Variants in CNTN5 observed in about 807,000 individuals in gnomAD.
CNTN5 encodes the protein contactin 5, also known as contactin-5.
A neutral mutation model predicts 129.1 loss-of-function variants in CNTN5; 77 were observed. That is an observed-to-expected ratio of 0.60 (90% CI 0.50 to 0.72). The LOEUF (loss-of-function observed/expected upper bound fraction) is 0.72. Among genes scored for constraint, CNTN5 ranks in the 30% least tolerant of loss-of-function variants. The probability of loss-of-function intolerance (pLI) is 0.00; values close to 1 mark genes in which losing one functional copy is unlikely to be tolerated. For missense variants in CNTN5, 1,478 were observed against 1,328.8 expected, an observed-to-expected ratio of 1.11 and a Z score of -1.75; for synonymous variants, 509 against 465.6, an observed-to-expected ratio of 1.09 and a Z score of -1.20.
At chr11:99,098,329 A>G (rs1475104718) in intron 1 of CNTN5, among the ~76,000 whole-genome samples, 1 of 152,088 alleles carries the variant, frequency 6.6e-6, no homozygotes, top group Non-Finnish European at 1.5e-5. Flanking sequence ...TTGAGAAGCG[A>G]CATAGTTGAC....
intron 1 of CNTN5, among the ~76,000 whole-genome samples, chr11:99,129,464 A>G (rs1461560341): frequency 6.6e-6 from 1 of 152,194 alleles, no homozygotes; most frequent in Non-Finnish European, 1.5e-5. Flanking sequence ...GGGACTATGT[A>G]AAAAGACCAA....
At chr11:99,541,762 G>A (rs11220378) in intron 2 of CNTN5, among the ~76,000 whole-genome samples, 11,253 of 151,924 alleles carry the variant, frequency 0.074, 484 homozygotes, top group African/African-American at 0.086. Context: ...TAGGCTGGGC[G>A]ACAAAGTGAA....
At chr11:99,751,169 TCTA>T (rs1944222826) in intron 3 of CNTN5, among the ~76,000 whole-genome samples, 1 of 152,088 alleles carries the variant, frequency 6.6e-6, no homozygotes, top group Non-Finnish European at 1.5e-5. Context: ...AAATCTCGTC[TCTA>T]CTAAAAATTC....
At chr11:99,972,299 T>A (rs1951285656) in intron 8 of CNTN5, among the ~76,000 whole-genome samples, 1 of 150,690 alleles carries the variant, frequency 6.6e-6, no homozygotes, top group African/African-American at 2.5e-5. Flanking sequence ...TAAAAAAATG[T>A]AAAAATATTG....
Position 99,683,401 on chromosome 11 carries a change from C to T in CNTN5, c.55+127132C>T, listed in dbSNP as rs146281152. 3.6e-4 allele frequency among the ~76,000 whole-genome samples: 55 copies of T among 151,910 alleles called. 1 individual carries two copies. Among genetic ancestry groups the T allele is most frequent in the African/African-American group, 1.3e-3 (53 of 41,460 alleles). ...TATTTCTTGAAAAGATTGTCTTTTC[C>T]TCACCAAGTTTCATTGCCTTCTTTG... On this transcript the variant is annotated intron_variant, in intron 3 of 24. Transcript: ENST00000524871.
Position 100,337,205 on chromosome 11 carries a change from C to T in CNTN5, c.2731-3258C>T, listed in dbSNP as rs1952055087. ...ACAGATGACACCAGCAGTGAAAACA[C>T]TGTAGTTCCTCCAGAAACATATGTG... On this transcript the variant is annotated intron_variant, in intron 21 of 24. Coordinates refer to ENST00000524871, the MANE Select transcript of CNTN5 (RefSeq NM_014361.4). 9.7e-6 allele frequency: 15 copies of T among 1,539,724 alleles called. No individual in the cohort carries two copies. The Middle Eastern group carries it at 9.4e-4, about 96-fold the overall frequency.
At position 99,566,188 on chromosome 11, in the gene CNTN5, G is replaced by A. The variant is rs576014618; in HGVS notation, c.55+9919G>A. 2.6e-5 allele frequency among the ~76,000 whole-genome samples: 4 copies of A among 152,122 alleles called. No individual in the cohort carries two copies. In the East Asian group the frequency reaches 7.8e-4, roughly 30 times the overall value. ...TTGGTAATGGGTGAGTTCTCACTCC[G>A]AATAACGTGAGATCTGGTTGTTTAA... On this transcript the variant is annotated intron_variant, in intron 3 of 24. Coordinates refer to ENST00000524871, the MANE Select transcript of CNTN5 (RefSeq NM_014361.4).
chr11:99,628,278 A>G (rs1240569040), intron 3 of CNTN5, among the ~76,000 whole-genome samples: 1 of 151,996 alleles, frequency 6.6e-6, no homozygotes, highest in African/African-American at 2.4e-5. Context: ...TTACCTATGC[A>G]TTGTATTTTC....
intron 7 of CNTN5, among the ~76,000 whole-genome samples, chr11:99,922,068 G>A (rs1056034147): frequency 2.6e-5 from 4 of 152,044 alleles, no homozygotes; most frequent in Middle Eastern, 3.2e-3. Context: ...ACCTGATACC[G>A]GGTAATTTAT....
At chr11:99,657,938 C>A (rs1265091053) in intron 3 of CNTN5, among the ~76,000 whole-genome samples, 1 of 151,926 alleles carries the variant, frequency 6.6e-6, no homozygotes, top group African/African-American at 2.4e-5. Flanking sequence ...CCACTGAGGC[C>A]CACTCTAATG....
chr11:100,095,689 T>C (rs1228905577), intron 13 of CNTN5, among the ~76,000 whole-genome samples: 1 of 152,134 alleles, frequency 6.6e-6, no homozygotes, highest in African/African-American at 2.4e-5. Flanking sequence ...ATTTCCTCAA[T>C]CAGTAATTTA....
chr11:99,298,102 G>C (rs1229713808), intron 1 of CNTN5, among the ~76,000 whole-genome samples: 3 of 152,132 alleles, frequency 2.0e-5, no homozygotes, highest in African/African-American at 7.2e-5. Flanking sequence ...AGTGGGCCCT[G>C]TAGGTACCTT....
At chr11:99,950,635 C>T (rs910872693) in intron 7 of CNTN5, among the ~76,000 whole-genome samples, 32 of 152,176 alleles carry the variant, frequency 2.1e-4, no homozygotes, top group Admixed American at 3.9e-4. Context: ...TCCAATTGTA[C>T]GAGGTACAAG....
At chr11:100,040,541 T>A (rs1591110584) in intron 9 of CNTN5, among the ~76,000 whole-genome samples, 1 of 152,188 alleles carries the variant, frequency 6.6e-6, no homozygotes, top group Admixed American at 6.5e-5. Flanking sequence ...TGCTGTCTTT[T>A]TGTTTGTCTG....
intron 8 of CNTN5, among the ~76,000 whole-genome samples, chr11:99,964,461 T>C (rs902606884): frequency 1.3e-5 from 2 of 152,220 alleles, no homozygotes; most frequent in Non-Finnish European, 1.5e-5. Context: ...GGATTACATT[T>C]ATTGATTTGC....
chr11:99,387,943 G>A (rs183316408), intron 2 of CNTN5, among the ~76,000 whole-genome samples: 35 of 149,666 alleles, frequency 2.3e-4, no homozygotes, highest in Non-Finnish European at 4.2e-4. Context: ...GTATCTGGGG[G>A]TGAGGTCCAT....
chr11:99,743,269 A>AT (rs1451026421), intron 3 of CNTN5, among the ~76,000 whole-genome samples: 2 of 152,168 alleles, frequency 1.3e-5, no homozygotes, highest in Admixed American at 6.5e-5. Context: ...CTTCATACAC[A>AT]TTTTTTGTTT....
chr11:99,267,926 A>G (rs61893121), intron 1 of CNTN5, among the ~76,000 whole-genome samples: 18,252 of 127,302 alleles, frequency 0.14, 1,456 homozygotes, highest in East Asian at 0.43. Flanking sequence ...ACACGCACAC[A>G]CACACACACA....
chr11:99,037,256 C>G (rs1863781251), intron 1 of CNTN5, among the ~76,000 whole-genome samples: 1 of 152,148 alleles, frequency 6.6e-6, no homozygotes, highest in Non-Finnish European at 1.5e-5. Context: ...CTCTATTCTC[C>G]AACATGTCAA....
Sources: allele counts gnomAD v4.1 joint callset (sites outside exome capture counted in the v4.1 genomes callset), GRCh38; gene constraint gnomAD v4.1.1; transcripts MANE v1.5; gene names NCBI Gene and HGNC (gene_info 2026-07-23, HGNC 2026-07-21).